The following IQCE variants were observed in gnomAD, a reference collection of about 807,000 sequenced individuals.
IQCE encodes IQ domain-containing protein E.
In IQCE, 115 loss-of-function variants were observed where a neutral mutation model predicts 96.0. The ratio of observed to expected loss-of-function variants is 1.20; its 90% CI spans 1.03 to 1.40. IQCE has a LOEUF of 1.40. IQCE is among the 40% of genes most tolerant of loss of function. The pLI, the probability that IQCE is intolerant of heterozygous loss-of-function variation, is 0.00. For missense variants in IQCE, 1,041 were observed against 909.1 expected, an observed-to-expected ratio of 1.15 and a Z score of -1.87; for synonymous variants, 412 against 371.2, an observed-to-expected ratio of 1.11 and a Z score of -1.26.
At chr7:2,585,475 G>A (rs192218981) in intron 11 of IQCE, among the ~76,000 whole-genome samples, 101 of 152,364 alleles carry the variant, frequency 6.6e-4, no homozygotes, top group African/African-American at 2.4e-3. Context: ...CTTCTTGCAC[G>A]CGCATAAGCG....
chr7:2,592,922 A>T, intron 14 of IQCE, 100 bp from the exon 15 acceptor site: 1 of 1,326,974 alleles, frequency 7.5e-7, no homozygotes, highest in Non-Finnish European at 1.0e-6. Flanking sequence ...CCACTGTCCT[A>T]AGGAAGGGCT....
At chr7:2,576,159 G>A (rs1782110158) in intron 6 of IQCE, among the ~76,000 whole-genome samples, 1 of 152,210 alleles carries the variant, frequency 6.6e-6, no homozygotes, top group African/African-American at 2.4e-5. Context: ...GTGCATTCCA[G>A]ATTGTCTTTT....
intron 18 of IQCE, 39 bp from the exon 19 acceptor site, chr7:2,604,842 T>C: frequency 6.5e-7 from 1 of 1,534,460 alleles, no homozygotes; most frequent in Non-Finnish European, 9.0e-7. Flanking sequence ...CCCCGGGCAC[T>C]CACACCCACT....
intron 1 of IQCE, among the ~76,000 whole-genome samples, chr7:2,559,882 T>C (rs1197016347): frequency 6.6e-6 from 1 of 150,864 alleles, no homozygotes. Context: ...GAGCCGTGGC[T>C]CAGGCCGGTA....
Position 2,567,103 on chromosome 7 carries a change from T to C in IQCE, c.37-13T>C, listed in dbSNP as rs1417530072. The C allele has an allele frequency of 6.2e-7, 1 of 1,613,244 alleles. No individual in the cohort carries two copies. The highest frequency in any genetic ancestry group is 1.1e-5 in the South Asian group (1 of 91,044). On this transcript the variant is annotated splice_polypyrimidine_tract_variant and intron_variant, in intron 1 of 21. Coordinates refer to ENST00000402050, the MANE Select transcript of IQCE (RefSeq NM_152558.5). ...GTGCCGTCGAGTTACAGTGTTTGCCTCTCTTCCTCCAGGGAGATGACAGTC... is the reference window on the plus strand; with the variant it reads ...GTGCCGTCGAGTTACAGTGTTTGCCCCTCTTCCTCCAGGGAGATGACAGTC...
intron 1 of IQCE, among the ~76,000 whole-genome samples, chr7:2,563,931 C>T (rs944462634): frequency 4.7e-5 from 7 of 150,308 alleles, no homozygotes; most frequent in South Asian, 2.1e-4. Flanking sequence ...ACTCATCAGC[C>T]GGGCACAGTG....
At chr7:2,578,098 A>T in intron 6 of IQCE, 144 bp from the exon 7 acceptor site, 2 of 618,438 alleles carry the variant, frequency 3.2e-6, no homozygotes, top group Non-Finnish European at 5.7e-6. Context: ...GCGTGCGCGC[A>T]GTGGCGTGTG....
intron 11 of IQCE, 109 bp from the exon 12 acceptor site, chr7:2,586,099 C>CT: frequency 2.8e-6 from 3 of 1,055,696 alleles, no homozygotes; most frequent in Non-Finnish European, 4.0e-6. Flanking sequence ...AAAAACCACT[C>CT]TGAGCTCACA....
intron 8 of IQCE, among the ~76,000 whole-genome samples, chr7:2,579,778 C>G (rs940812311): frequency 1.3e-5 from 2 of 151,060 alleles, no homozygotes; most frequent in African/African-American, 4.9e-5. Context: ...GGGACTCACT[C>G]TGTTGCCCAG....
Position 2,565,781 on chromosome 7 carries a change from A to T in IQCE, c.37-1335A>T, listed in dbSNP as rs111480123. On this transcript the variant is annotated intron_variant, in intron 1 of 21. Transcript: ENST00000402050. ...TGTTTATGTCTTAAAAGGTCACCTTAAATAGGTGATATAAAAAATGATATA... is the reference window on the plus strand; with the variant it reads ...TGTTTATGTCTTAAAAGGTCACCTTTAATAGGTGATATAAAAAATGATATA... Among the ~76,000 whole-genome samples, 1,483 of 152,294 alleles carry T rather than the reference A, an allele frequency of 9.7e-3. 23 individuals are homozygous for T. Among genetic ancestry groups the T allele is most frequent in the African/African-American group, 0.034 (1,395 of 41,548 alleles).
rs574916564 is a variant in IQCE, at chr7:2,567,289, G to A, written c.84+126G>A. On this transcript the variant is annotated intron_variant, in intron 2 of 21. Coordinates refer to ENST00000402050, the MANE Select transcript of IQCE (RefSeq NM_152558.5). ...TGTCGAGAGCTGGAATGCATATTCC[G>A]AATGCTCCTTGGTGTTTGAAAAGTT... 1.1e-4 allele frequency: 82 copies of A among 760,774 alleles called. 2 individuals carry two copies. The highest frequency in any genetic ancestry group is 2.1e-4 in the South Asian group (14 of 67,456). The allele number at this position is 760,774 out of a possible 1,614,324, so 47.1% of individuals were successfully genotyped here.
intron 5 of IQCE, 85 bp from the exon 6 acceptor site, chr7:2,573,333 A>G: frequency 1.4e-6 from 1 of 708,804 alleles, no homozygotes; most frequent in Non-Finnish European, 2.5e-6. Flanking sequence ...AATGTTACTA[A>G]CTTCCAGGTT....
rs186143103 is a variant in IQCE, at chr7:2,583,491, A to T, written c.702-146A>T. On this transcript the variant is annotated intron_variant, in intron 9 of 21. Transcript: ENST00000402050. ...AGTCACTTGTTCAAGGAACAAGTCA[A>T]ATGAAGGCCCGTTCAGGCTTTTCCC... The T allele has an allele frequency of 1.5e-3, 580 of 377,462 alleles. 7 individuals carry two copies. Among genetic ancestry groups the T allele is most frequent in the African/African-American group, 0.011 (498 of 46,400 alleles). 23.4% of individuals were successfully genotyped at this position (377,462 alleles called of 1,614,324 possible).
chr7:2,599,719 T>C (rs958469949), intron 17 of IQCE, among the ~76,000 whole-genome samples: 4 of 152,044 alleles, frequency 2.6e-5, no homozygotes, highest in African/African-American at 7.2e-5. Flanking sequence ...ACTCCTGAGC[T>C]AAAGCCATTT....
chr7:2,576,738 C>A (rs1583420632), intron 6 of IQCE, among the ~76,000 whole-genome samples: 3 of 152,296 alleles, frequency 2.0e-5, no homozygotes, highest in East Asian at 3.9e-4. Context: ...CACGTCACCA[C>A]AAATTGGTAA....
intron 13 of IQCE, among the ~76,000 whole-genome samples, chr7:2,588,348 T>G (rs967610100): frequency 5.9e-5 from 9 of 152,020 alleles, no homozygotes; most frequent in Non-Finnish European, 5.9e-5. Context: ...TTGTTTTTGT[T>G]TTTGTTTTTT....
intron 6 of IQCE, among the ~76,000 whole-genome samples, chr7:2,575,052 A>C (rs530417483): frequency 6.6e-6 from 1 of 152,146 alleles, no homozygotes. Flanking sequence ...CGGGATTCCA[A>C]TGTCCAGGCC....
intron 2 of IQCE, among the ~76,000 whole-genome samples, chr7:2,567,593 G>C (rs1478052969): frequency 6.6e-6 from 1 of 152,280 alleles, no homozygotes; most frequent in Non-Finnish European, 1.5e-5. Flanking sequence ...GGCAGGAGTG[G>C]TGTCCGATGG....
intron 16 of IQCE, 35 bp from the exon 17 acceptor site, chr7:2,598,430 C>G (rs889898492): frequency 6.5e-7 from 1 of 1,533,748 alleles, no homozygotes; most frequent in South Asian, 1.3e-5. Flanking sequence ...CCTGCCCTGG[C>G]TTCATTGTCC....
Sources: allele counts gnomAD v4.1 joint callset (sites outside exome capture counted in the v4.1 genomes callset), GRCh38; gene constraint gnomAD v4.1.1; transcripts MANE v1.5; gene names NCBI Gene and HGNC (gene_info 2026-07-23, HGNC 2026-07-21).